The following PTPRO variants were observed in gnomAD, a reference collection of about 807,000 sequenced individuals.
PTPRO encodes the protein receptor-type tyrosine-protein phosphatase O.
In PTPRO, 62 loss-of-function variants were observed where a neutral mutation model predicts 145.2. The observed-to-expected ratio is 0.43, with a 90% CI of 0.35 to 0.53. PTPRO has a LOEUF of 0.53. Among genes scored for constraint, PTPRO ranks in the 20% least tolerant of loss-of-function variants. The probability of loss-of-function intolerance (pLI) is 0.01; values close to 1 mark genes in which losing one functional copy is unlikely to be tolerated. For synonymous variants in PTPRO, 565 were observed against 514.7 expected, an observed-to-expected ratio of 1.10 and a Z score of -1.32; for missense variants, 1,345 against 1,482.7, an observed-to-expected ratio of 0.91 and a Z score of 1.53.
At chr12:15,328,352 C>T (rs1013878239) in intron 1 of PTPRO, among the ~76,000 whole-genome samples, 4 of 152,090 alleles carry the variant, frequency 2.6e-5, no homozygotes, top group Non-Finnish European at 4.4e-5. Flanking sequence ...ATCTAATTCC[C>T]GAATGAAAGA....
chr12:15,535,082 A>G (rs1239414083), intron 12 of PTPRO, among the ~76,000 whole-genome samples: 1 of 152,210 alleles, frequency 6.6e-6, no homozygotes, highest in Non-Finnish European at 1.5e-5. Flanking sequence ...AGCAACTAGG[A>G]CAAATGGTGG....
At chr12:15,527,874 G>GCCCCGCCC in intron 12 of PTPRO, among the ~76,000 whole-genome samples, 1 of 95,242 alleles carries the variant, frequency 1.0e-5, no homozygotes, top group Non-Finnish European at 2.2e-5. Context: ...AGGGAACTGT[G>GCCCCGCCC]ACCCGCCCAC....
At chr12:15,377,911 A>G (rs906981925) in intron 1 of PTPRO, among the ~76,000 whole-genome samples, 1 of 152,136 alleles carries the variant, frequency 6.6e-6, no homozygotes, top group African/African-American at 2.4e-5. Flanking sequence ...TCAAAGGATA[A>G]ATAACAAGTG....
intron 1 of PTPRO, among the ~76,000 whole-genome samples, chr12:15,367,752 T>G (rs1377774570): frequency 6.6e-6 from 1 of 152,186 alleles, no homozygotes; most frequent in Admixed American, 6.5e-5. Flanking sequence ...GAATCATCTT[T>G]GACATCTCTC....
At chr12:15,368,694 C>G (rs537950122) in intron 1 of PTPRO, among the ~76,000 whole-genome samples, 1 of 152,202 alleles carries the variant, frequency 6.6e-6, no homozygotes, top group African/African-American at 2.4e-5. Flanking sequence ...TTTCTCCAAA[C>G]TGTTTATTCT....
chr12:15,507,328 G>A (rs1188150425), intron 6 of PTPRO, among the ~76,000 whole-genome samples: 7 of 151,828 alleles, frequency 4.6e-5, no homozygotes, highest in East Asian at 3.9e-4. Context: ...CAGGAGAATC[G>A]CTTGAACTCA....
intron 3 of PTPRO, among the ~76,000 whole-genome samples, chr12:15,498,723 A>G (rs1029836111): frequency 1.3e-4 from 20 of 152,220 alleles, no homozygotes; most frequent in African/African-American, 4.8e-4. Context: ...TTTATAGATC[A>G]CATGCAAATA....
At position 15,322,641 on chromosome 12, in the gene PTPRO, G is replaced by T. The variant is rs1866327208; in HGVS notation, c.-86G>T. ...AGCAACCTCGGCGCCCAGGGTCTGA[G>T]GCTGCAGCCCCAGTTCGCCATTGTG... On this transcript the variant is annotated 5_prime_UTR_variant, in exon 1 of 27. It adds an upstream start codon to the 5' untranslated region. Coordinates refer to ENST00000281171, the MANE Select transcript of PTPRO (RefSeq NM_030667.3). This position sits in a 1 kb window ranked among gnomAD's most constrained non-coding sequence, Gnocchi z 6.3. The T allele has an allele frequency of 4.2e-6, 5 of 1,183,682 alleles. No individual in the cohort carries two copies. In the South Asian group the frequency reaches 6.5e-5, roughly 15 times the overall value. The allele number at this position is 1,183,682 out of a possible 1,614,324, so 73.3% of individuals were successfully genotyped here.
chr12:15,386,145 G>A (rs1353335522), intron 1 of PTPRO, among the ~76,000 whole-genome samples: 1 of 151,900 alleles, frequency 6.6e-6, no homozygotes, highest in Non-Finnish European at 1.5e-5. Flanking sequence ...CAAGCTCAAA[G>A]ACACACAAAA....
At position 15,580,988 on chromosome 12, in the gene PTPRO, G is replaced by A. The variant is rs144699472; in HGVS notation, c.3132+157G>A. Among the ~76,000 whole-genome samples the A allele has an allele frequency of 6.6e-5, 10 of 152,242 alleles. No homozygotes were observed. In the East Asian group the frequency reaches 1.9e-3, roughly 29 times the overall value. ...CGGGAAGCAAGAATTAGAATTTGGG[G>A]GTAAACACACAGACCCGGTGGTCTT... On this transcript the variant is annotated intron_variant, in intron 22 of 26. Transcript: ENST00000281171.
At chr12:15,461,727 C>G (rs1234973107) in intron 1 of PTPRO, among the ~76,000 whole-genome samples, 1 of 151,926 alleles carries the variant, frequency 6.6e-6, no homozygotes, top group Non-Finnish European at 1.5e-5. Flanking sequence ...GCCACCACAT[C>G]TGGCTAATTT....
chr12:15,459,287 A>T (rs1482572934), intron 1 of PTPRO, among the ~76,000 whole-genome samples: 2 of 152,154 alleles, frequency 1.3e-5, no homozygotes, highest in African/African-American at 4.8e-5. Flanking sequence ...GCTAGTTCAA[A>T]CAGCCATCTT....
intron 24 of PTPRO, 134 bp downstream of exon 24, chr12:15,587,185 A>G: frequency 2.1e-6 from 2 of 966,464 alleles, no homozygotes; most frequent in South Asian, 2.9e-5. Context: ...AACTATGATT[A>G]ATTGATGTCT....
intron 24 of PTPRO, among the ~76,000 whole-genome samples, chr12:15,587,667 T>G (rs1360522012): frequency 6.6e-6 from 1 of 152,208 alleles, no homozygotes; most frequent in African/African-American, 2.4e-5. Flanking sequence ...CAGGAAAAGT[T>G]ATCATTAAAT....
At chr12:15,395,900 T>G (rs2136292558) in intron 1 of PTPRO, among the ~76,000 whole-genome samples, 1 of 152,174 alleles carries the variant, frequency 6.6e-6, no homozygotes. Flanking sequence ...AAAAGATTGA[T>G]TAAGCAATGA....
chr12:15,544,728 T>G (rs920698982), intron 12 of PTPRO, among the ~76,000 whole-genome samples: 1 of 152,160 alleles, frequency 6.6e-6, no homozygotes, highest in African/African-American at 2.4e-5. Context: ...AAGTTCCACA[T>G]GAGTCAGAAT....
Position 15,538,245 on chromosome 12 carries a change from T to G in PTPRO, c.2165-8324T>G, listed in dbSNP as rs74234428. On this transcript the variant is annotated intron_variant, in intron 12 of 26. Transcript: ENST00000281171. ...CCAAACCACTTTAGTGCTTCTTTTT[T>G]TTTTTGAGACAGAGTCTTACTCTGT... 1.4e-3 allele frequency among the ~76,000 whole-genome samples: 208 copies of G among 151,178 alleles called. 2 individuals carry two copies. The East Asian group carries it at 0.039, about 28-fold the overall frequency.
chr12:15,367,527 A>G (rs1387084944), intron 1 of PTPRO, among the ~76,000 whole-genome samples: 1 of 152,232 alleles, frequency 6.6e-6, no homozygotes, highest in Non-Finnish European at 1.5e-5. Flanking sequence ...AGACTCCTAA[A>G]TTAATATCTT....
At position 15,477,244 on chromosome 12, in the gene PTPRO, C is replaced by T. The variant is rs1360157464; in HGVS notation, c.76-6730C>T. Among the ~76,000 whole-genome samples the T allele has an allele frequency of 2.3e-3, 271 of 118,548 alleles. 2 individuals carry two copies. The highest frequency in any genetic ancestry group is 0.019 in the Middle Eastern group (5 of 264). The allele number at this position is 118,548 out of a possible 152,430, so 77.8% of individuals were successfully genotyped here. On this transcript the variant is annotated intron_variant, in intron 1 of 26. Transcript: ENST00000281171. The stretch of plus-strand genomic sequence containing the variant: ...GAAACCATCATTCTCAGTAAACTAT[C>T]GCAAGAACAAAAAACCAAACACCGC...
Sources: allele counts gnomAD v4.1 joint callset (sites outside exome capture counted in the v4.1 genomes callset), GRCh38; gene constraint gnomAD v4.1.1; non-coding constraint Gnocchi (gnomAD v3.1); transcripts MANE v1.5; gene names NCBI Gene and HGNC (gene_info 2026-07-23, HGNC 2026-07-21).